Variants in PAICS observed in about 807,000 individuals in gnomAD.
PAICS encodes the protein phosphoribosylaminoimidazole carboxylase and phosphoribosylaminoimidazolesuccinocarboxamide synthase, also known as bifunctional phosphoribosylaminoimidazole carboxylase/phosphoribosylaminoimidazole succinocarboxamide synthetase.
In PAICS, 33 loss-of-function variants were observed where a neutral mutation model predicts 53.7. That is an observed-to-expected ratio of 0.61 (90% confidence interval 0.47 to 0.82). The LOEUF (loss-of-function observed/expected upper bound fraction) is 0.82. Ranked by LOEUF, PAICS falls within the 40% of genes least tolerant of loss-of-function variation. The pLI is 0.00. For missense variants in PAICS, 394 were observed against 494.1 expected, an observed-to-expected ratio of 0.80 and a Z score of 1.92; for synonymous variants, 141 against 167.2, an observed-to-expected ratio of 0.84 and a Z score of 1.21.
chr4:56,443,429 C>G (rs1055718344), intron 2 of PAICS, among the ~76,000 whole-genome samples: 1 of 152,018 alleles, frequency 6.6e-6, no homozygotes, highest in Non-Finnish European at 1.5e-5. Flanking sequence ...CTTAAGTGAT[C>G]CACCCGCATT....
chr4:56,443,337 G>A (rs1386085532), intron 2 of PAICS, among the ~76,000 whole-genome samples: 2 of 152,016 alleles, frequency 1.3e-5, no homozygotes, highest in African/African-American at 2.4e-5. Flanking sequence ...ATAGGTGCAC[G>A]CCACCATACC....
intron 1 of PAICS, chr4:56,436,651 C>G (rs1717989726): frequency 4.9e-6 from 3 of 615,716 alleles, no homozygotes; most frequent in Non-Finnish European, 9.1e-6. Context: ...TTGCTTTGCC[C>G]GTTAGGTTAA....
chr4:56,430,309 A>G, the PAICS span, among the ~76,000 whole-genome samples: 10 of 152,298 alleles, frequency 6.6e-5, no homozygotes, highest in African/African-American at 2.2e-4. Context: ...AGCACTTTAC[A>G]TATATTAACA....
Position 56,459,368 on chromosome 4 carries a change from A to G in PAICS, c.1112-4A>G, listed in dbSNP as rs759673559. 2.0e-6 allele frequency: 3 copies of G among 1,530,064 alleles called. No individual in the cohort carries two copies. Among genetic ancestry groups the G allele is most frequent in the African/African-American group, 1.4e-5 (1 of 72,504 alleles). The allele number at this position is 1,530,064 out of a possible 1,614,324, so 94.8% of individuals were successfully genotyped here. On this transcript the variant is annotated splice_region_variant and splice_polypyrimidine_tract_variant and intron_variant, in intron 8 of 8. Transcript: ENST00000512576. Reference sequence around the variant, plus strand: ...TTTCTGTCTTTTCCTTGCTGAACCAATAGGTCTTGGCTGTTCAACCGTACT... The same window carrying G: ...TTTCTGTCTTTTCCTTGCTGAACCAGTAGGTCTTGGCTGTTCAACCGTACT...
chr4:56,432,957 G>A (rs538595046), upstream of PAICS, among the ~76,000 whole-genome samples: 1 of 147,510 alleles, frequency 6.8e-6, no homozygotes, highest in Non-Finnish European at 1.5e-5. Context: ...ACTTCTCAGA[G>A]TACGATATAT....
intron 1 of PAICS, among the ~76,000 whole-genome samples, chr4:56,441,287 A>G (rs935818220): frequency 1.3e-5 from 2 of 152,162 alleles, no homozygotes; most frequent in Non-Finnish European, 2.9e-5. Context: ...AGTGGGTCTT[A>G]ATTAATTTTA....
chr4:56,413,163 GT>G, the PAICS span, among the ~76,000 whole-genome samples: 1 of 151,882 alleles, frequency 6.6e-6, no homozygotes, highest in Non-Finnish European at 1.5e-5. Flanking sequence ...TTTTGGTTTT[GT>G]TTTGTTTTGT....
In PAICS at chr4:56,436,579, T is replaced by G. The variant is rs529486562; in HGVS notation, c.16+251T>G. ...GTGGAAAGGTGCCTGGAAGTATTAT[T>G]TATAATCAATAGCTATTGCAAAATA... On this transcript the variant is annotated intron_variant, in intron 1 of 8. Coordinates refer to ENST00000512576, the MANE Select transcript of PAICS (RefSeq NM_001079524.2). 2.6e-5 allele frequency: 18 copies of G among 699,066 alleles called. No homozygotes were observed. In the South Asian group the frequency reaches 2.7e-4, roughly 10 times the overall value. 43.3% of individuals were successfully genotyped at this position (699,066 alleles called of 1,614,324 possible).
At chr4:56,435,973 G>T (rs766801836), upstream of PAICS, 2 of 1,514,586 alleles carry the variant, frequency 1.3e-6, no homozygotes, top group Admixed American at 3.5e-5. Context: ...AGAAGGGGCC[G>T]GGGTATGCGA....
At chr4:56,426,173 C>CA in the PAICS span, among the ~76,000 whole-genome samples, 1 of 152,148 alleles carries the variant, frequency 6.6e-6, no homozygotes, top group African/African-American at 2.4e-5. Context: ...GAGGCCAAGG[C>CA]AGGCAGAACA....
At chr4:56,412,776 T>A in the PAICS span, among the ~76,000 whole-genome samples, 1 of 152,200 alleles carries the variant, frequency 6.6e-6, no homozygotes, top group Non-Finnish European at 1.5e-5. Flanking sequence ...AACTTCATCA[T>A]GTCTCATATG....
At position 56,453,696 on chromosome 4, in the gene PAICS, G is replaced by C. The variant is rs757883135; in HGVS notation, c.1046G>C (p.Ser349Thr). Residue 349 changes from serine (S) to threonine (T), a missense_variant, in exon 8 of 9, where the codon AGC (serine) becomes ACC (threonine). By Grantham distance (58) the Ser-to-Thr change is moderately conservative. Coordinates refer to ENST00000512576, the MANE Select transcript of PAICS (RefSeq NM_001079524.2). ...MSGNTAYPVI[S>T]CPPLTPDWGV... Reference sequence around the variant, plus strand: ...GGGAACACTGCATATCCAGTTATCAGCTGTCCTCCCCTCACACCAGACTGG... The same window carrying C: ...GGGAACACTGCATATCCAGTTATCACCTGTCCTCCCCTCACACCAGACTGG... The C allele has an allele frequency of 4.4e-5, 68 of 1,558,830 alleles. No homozygotes were observed. Among genetic ancestry groups the C allele is most frequent in the Middle Eastern group, 1.7e-4 (1 of 5,716 alleles).
chr4:56,436,165 G>C (rs1202279895), upstream of PAICS: 5 of 1,497,030 alleles, frequency 3.3e-6, no homozygotes, highest in African/African-American at 1.4e-5. Context: ...CTCCGGGTTA[G>C]GCGGCTGTAG....
chr4:56,427,417 AACT>A, the PAICS span, among the ~76,000 whole-genome samples: 44 of 152,188 alleles, frequency 2.9e-4, no homozygotes, highest in African/African-American at 9.7e-4. Context: ...GTTTCTGAGG[AACT>A]ACCTGTTTTC....
upstream of PAICS, among the ~76,000 whole-genome samples, chr4:56,434,675 G>T (rs75592337): frequency 1.4e-3 from 210 of 152,202 alleles, 1 homozygote; most frequent in African/African-American, 4.9e-3. Flanking sequence ...CATTCATTAG[G>T]CAAGACGTCT....
upstream of PAICS, among the ~76,000 whole-genome samples, chr4:56,432,740 G>C (rs1170517488): frequency 1.3e-5 from 2 of 148,220 alleles, no homozygotes; most frequent in East Asian, 2.0e-4. Context: ...AGGGGAGACT[G>C]CGCCACTGAA....
intron 5 of PAICS, among the ~76,000 whole-genome samples, 160 bp from the exon 6 acceptor site, chr4:56,450,459 A>G (rs967098133): frequency 1.3e-5 from 2 of 152,334 alleles, no homozygotes; most frequent in Admixed American, 6.5e-5. Flanking sequence ...ATACTTTACT[A>G]TGGAACTTTG....
At chr4:56,431,506 T>G (rs1447228236), upstream of PAICS, 1 of 980,542 alleles carries the variant, frequency 1.0e-6, no homozygotes, top group East Asian at 1.1e-4. Context: ...AACCAAAAGA[T>G]TCTACAGAAT....
At chr4:56,436,644 C>G (rs1037099258) in intron 1 of PAICS, 3 of 631,616 alleles carry the variant, frequency 4.7e-6, no homozygotes, top group Non-Finnish European at 8.8e-6. Context: ...CTGAGTCTTG[C>G]TTTGCCCGTT....
Sources: gnomAD v4.1 joint callset for allele counts (sites outside exome capture counted in the v4.1 genomes callset) on GRCh38, gnomAD v4.1.1 for gene constraint, MANE v1.5 for transcripts, NCBI Gene and HGNC (gene_info 2026-07-23, HGNC 2026-07-21) for gene names.